The following PUS7L variants were observed in gnomAD, a reference collection of about 807,000 sequenced individuals.
PUS7L encodes pseudouridylate synthase PUS7L.
In PUS7L, 49 loss-of-function variants were observed where a neutral mutation model predicts 51.1. The observed-to-expected ratio is 0.96, with a 90% confidence interval of 0.76 to 1.22. The LOEUF (loss-of-function observed/expected upper bound fraction) is 1.22. PUS7L is among the 50% of genes most tolerant of loss of function. PUS7L has a pLI of 0.00. For synonymous variants in PUS7L, 277 were observed against 276.2 expected (o/e 1.00, Z -0.03); for missense variants, 828 against 820.6 (o/e 1.01, Z -0.11).
intron 2 of PUS7L, among the ~76,000 whole-genome samples, chr12:43,750,526 A>G (rs1938392893): frequency 6.6e-6 from 1 of 152,210 alleles, no homozygotes; most frequent in African/African-American, 2.4e-5. Flanking sequence ...TTAATTACTT[A>G]GAACAATTAC....
intron 1 of PUS7L, chr12:43,758,203 A>T: frequency 1.9e-6 from 1 of 515,544 alleles, no homozygotes; most frequent in Non-Finnish European, 2.5e-6. Context: ...AAGGAGGAAG[A>T]CAGACATTCT....
rs1457182410 is a variant in PUS7L at position 43,719,517 on chromosome 12, C to A, written c.*10859G>T. 3 of 152,010 alleles carry A rather than the reference C, an allele frequency of 2.0e-5. No homozygotes were observed. The highest frequency in any genetic ancestry group is 4.4e-5 in the Non-Finnish European group (3 of 67,974). 9.4% of individuals were successfully genotyped at this position (152,010 alleles called of 1,614,324 possible). Reference sequence around the variant, plus strand: ...GTGGGGGGACTCTTCTTTATTTTTTCTAATCTCAGGAAAGTTTGTGTAGAC... The same window carrying A: ...GTGGGGGGACTCTTCTTTATTTTTTATAATCTCAGGAAAGTTTGTGTAGAC... On this transcript the variant is annotated 3_prime_UTR_variant, in exon 9 of 9. Transcript: ENST00000344862.
At position 43,755,055 on chromosome 12, in the gene PUS7L, G is replaced by T. The variant is rs764132662; in HGVS notation, c.191C>A (p.Pro64Gln). 1.2e-6 allele frequency: 2 copies of T among 1,613,022 alleles called. No individual in the cohort carries two copies. The highest frequency in any genetic ancestry group is 4.5e-5 in the East Asian group (2 of 44,812). ...IFKISEIQLE[P>Q]NNFPKKPKLD... The stretch of plus-strand genomic sequence containing the variant: ...TTTTGGTTTTTTGGGAAAATTATTT[G>T]GCTCAAGTTGTATTTCACTAATCTT... The change falls in exon 2 of 9, where the codon CCA (proline) becomes CAA (glutamine). Residue 64 changes from proline (P) to glutamine (Q), a missense_variant. Pro to Gln is a moderately conservative substitution (Grantham distance 76). Coordinates refer to ENST00000344862, the MANE Select transcript of PUS7L (RefSeq NM_031292.5).
chr12:43,752,455 T>C (rs751806248), intron 2 of PUS7L, among the ~76,000 whole-genome samples: 14 of 152,182 alleles, frequency 9.2e-5, no homozygotes, highest in Non-Finnish European at 1.6e-4. Context: ...ACAAAGTAAA[T>C]ATCACGTGTG....
intron 3 of PUS7L, among the ~76,000 whole-genome samples, chr12:43,747,557 G>A (rs1438672205): frequency 6.6e-6 from 1 of 151,834 alleles, no homozygotes; most frequent in Non-Finnish European, 1.5e-5. Context: ...AGCCAGGCAT[G>A]GTGGTGGGCG....
rs1944478183 is a variant in PUS7L, at chr12:43,728,029, AAATT to A, written c.*2343_*2346del. 6.6e-6 allele frequency: 1 copy of A among 151,930 alleles called. No homozygotes were observed. The highest frequency in any genetic ancestry group is 1.5e-5 in the Non-Finnish European group (1 of 67,964). The allele number at this position is 151,930 out of a possible 1,614,324, so 9.4% of individuals were successfully genotyped here. A position where few individuals can be genotyped will look rare whatever the true frequency, so the allele number is the denominator to read the frequency against. ...CAGTTTAAGATGACACTTTAAAAAT[AAATT>A]AACTCCTAATAATGAGGTGAAGAAA... On this transcript the variant is annotated 3_prime_UTR_variant, in exon 9 of 9. Transcript: ENST00000344862.
intron 7 of PUS7L, among the ~76,000 whole-genome samples, chr12:43,734,187 A>G (rs766780295): frequency 2.0e-5 from 3 of 152,220 alleles, no homozygotes; most frequent in Non-Finnish European, 4.4e-5. Flanking sequence ...GGCCATTCCT[A>G]GCCACTGAGA....
rs978875039 is a variant in PUS7L, at chr12:43,730,182, A to T, written c.*194T>A. 1.8e-6 allele frequency: 1 copy of T among 551,484 alleles called. No individual in the cohort carries two copies. The highest frequency in any genetic ancestry group is 1.9e-5 in the African/African-American group (1 of 53,358). 34.2% of individuals were successfully genotyped at this position (551,484 alleles called of 1,614,324 possible). On this transcript the variant is annotated 3_prime_UTR_variant, in exon 9 of 9. Transcript: ENST00000344862. ...AAACACAGGCTTTGGGGTCACATGG[A>T]CCTTAAATTTGGACCCTGACACTTA...
chr12:43,756,622 C>T (rs1256334221), intron 1 of PUS7L, among the ~76,000 whole-genome samples: 1 of 152,176 alleles, frequency 6.6e-6, no homozygotes, highest in Non-Finnish European at 1.5e-5. Flanking sequence ...CTTGGACCCT[C>T]AAGTCCTCAA....
intron 2 of PUS7L, among the ~76,000 whole-genome samples, chr12:43,751,421 C>T (rs1938439021): frequency 6.8e-6 from 1 of 148,126 alleles, no homozygotes; most frequent in Admixed American, 6.8e-5. Flanking sequence ...TTGTTCAATT[C>T]CCACCTATGA....
At chr12:43,747,036 T>A (rs990307557) in intron 3 of PUS7L, among the ~76,000 whole-genome samples, 1 of 152,332 alleles carries the variant, frequency 6.6e-6, no homozygotes, top group African/African-American at 2.4e-5. Context: ...TTGTCCCCCA[T>A]ATAAGAGCTT....
Position 43,730,704 on chromosome 12 carries a change from T to C in PUS7L, c.1780-2A>G. The C allele has an allele frequency of 6.3e-7, 1 of 1,575,882 alleles. No homozygotes were observed. Among genetic ancestry groups the C allele is most frequent in the South Asian group, 1.1e-5 (1 of 87,966 alleles). ...GTATCCAAGTACTGGAAGAACCACC[T>C]GTGAAAGAAAAGAGGGAAAAAATAT... On this transcript the variant is annotated splice_acceptor_variant, in intron 8 of 8. Transcript: ENST00000344862. LOFTEE classifies it high-confidence loss of function.
chr12:43,729,258 T>C lies in PUS7L; in HGVS notation c.*1118A>G. 1 of 397,806 alleles carries C rather than the reference T, an allele frequency of 2.5e-6. No homozygotes were observed. Among genetic ancestry groups the C allele is most frequent in the Non-Finnish European group, 4.4e-6 (1 of 225,482 alleles). The allele number at this position is 397,806 out of a possible 1,614,324, so 24.6% of individuals were successfully genotyped here. ...CATTGCATATAGCTTCTCTTCCTTCTTTTGGATTTTATTTCCTAATGCTAA... is the reference window on the plus strand; with the variant it reads ...CATTGCATATAGCTTCTCTTCCTTCCTTTGGATTTTATTTCCTAATGCTAA... On this transcript the variant is annotated 3_prime_UTR_variant, in exon 9 of 9. Coordinates refer to ENST00000344862, the MANE Select transcript of PUS7L (RefSeq NM_031292.5).
Position 43,758,719 on chromosome 12 carries a change from A to G in PUS7L, c.-17+11T>C. The G allele has an allele frequency of 1.9e-5, 18 of 952,646 alleles. No individual in the cohort carries two copies. The highest frequency in any genetic ancestry group is 2.2e-5 in the Non-Finnish European group (18 of 820,470). 59.0% of individuals were successfully genotyped at this position (952,646 alleles called of 1,614,324 possible). ...AGCCCACCATCGCGCAAGAAACTCG[A>G]CCCCGTCTACCTCGGTTCAGTGGAA... On this transcript the variant is annotated intron_variant, in intron 1 of 8. Coordinates refer to ENST00000344862, the MANE Select transcript of PUS7L (RefSeq NM_031292.5).
In PUS7L at chr12:43,722,336, A is replaced by T. The variant is rs1012108118; in HGVS notation, c.*8040T>A. 9 of 152,286 alleles carry T rather than the reference A, an allele frequency of 5.9e-5. No homozygotes were observed. Among genetic ancestry groups the T allele is most frequent in the African/African-American group, 2.2e-4 (9 of 41,598 alleles). The allele number at this position is 152,286 out of a possible 1,614,324, so 9.4% of individuals were successfully genotyped here. On this transcript the variant is annotated 3_prime_UTR_variant, in exon 9 of 9. Coordinates refer to ENST00000344862, the MANE Select transcript of PUS7L (RefSeq NM_031292.5). ...CTACTTTTTGGAGAACAATTGACAT[A>T]GTAAACAAGATGGACTGACTAGAGT... is the stretch of plus-strand genomic sequence containing the variant.
At chr12:43,738,636 T>C (rs1040878636) in intron 5 of PUS7L, among the ~76,000 whole-genome samples, 2 of 152,138 alleles carry the variant, frequency 1.3e-5, no homozygotes, top group Non-Finnish European at 2.9e-5. Context: ...TATTTCCCTA[T>C]CACTTCCATA....
rs1054468269 is a variant in PUS7L at position 43,728,567 on chromosome 12, G to A, written c.*1809C>T. On this transcript the variant is annotated 3_prime_UTR_variant, in exon 9 of 9. Transcript: ENST00000344862. ...TTCTCAATATAACATTAAAATGATG[G>A]CAGTAATCCAAAGAAAATCAATGGT... 1.3e-5 allele frequency: 2 copies of A among 151,428 alleles called. No homozygotes were observed. The highest frequency in any genetic ancestry group is 3.9e-4 in the East Asian group (2 of 5,184). 9.4% of individuals were successfully genotyped at this position (151,428 alleles called of 1,614,324 possible).
In PUS7L at chr12:43,723,073, ATATATCT is replaced by A. The variant is rs1944415835; in HGVS notation, c.*7296_*7302del. 6.6e-6 allele frequency: 1 copy of A among 152,132 alleles called. No individual in the cohort carries two copies. The highest frequency in any genetic ancestry group is 2.1e-4 in the South Asian group (1 of 4,828). 9.4% of individuals were successfully genotyped at this position (152,132 alleles called of 1,614,324 possible). On this transcript the variant is annotated 3_prime_UTR_variant, in exon 9 of 9. Coordinates refer to ENST00000344862, the MANE Select transcript of PUS7L (RefSeq NM_031292.5). Reference sequence around the variant, plus strand: ...AGTTTCTAACAAAAAAGACAATTTAATATATCTTATATTTTGTAATATGTTCTAAAGA... The same window carrying A: ...AGTTTCTAACAAAAAAGACAATTTAATATATTTTGTAATATGTTCTAAAGA...
In PUS7L at chr12:43,719,891, A is replaced by T. The variant is rs1944377185; in HGVS notation, c.*10485T>A. ...TATGTCAGCTCTACTAGTATTTTCAACAAACCAACTTTTGGATTTGTAGAT... is the reference window on the plus strand; with the variant it reads ...TATGTCAGCTCTACTAGTATTTTCATCAAACCAACTTTTGGATTTGTAGAT... On this transcript the variant is annotated 3_prime_UTR_variant, in exon 9 of 9. Transcript: ENST00000344862. 1 of 152,164 alleles carries T rather than the reference A, an allele frequency of 6.6e-6. No individual in the cohort carries two copies. The highest frequency in any genetic ancestry group is 2.4e-5 in the African/African-American group (1 of 41,442). The allele number at this position is 152,164 out of a possible 1,614,324, so 9.4% of individuals were successfully genotyped here.
Sources: gnomAD v4.1 joint callset for allele counts (sites outside exome capture counted in the v4.1 genomes callset) on GRCh38, gnomAD v4.1.1 for gene constraint, MANE v1.5 for transcripts, NCBI Gene and HGNC (gene_info 2026-07-23, HGNC 2026-07-21) for gene names.